The following RYR3 variants were observed in gnomAD, a reference collection of about 807,000 sequenced individuals.
RYR3 encodes ryanodine receptor 3.
RYR3 carries 207 observed loss-of-function variants against 584.3 expected under a neutral mutation model. The ratio of observed to expected loss-of-function variants is 0.35; its 90% CI spans 0.32 to 0.40. RYR3 has a LOEUF of 0.40. Ranked by LOEUF, RYR3 falls within the 10% of genes least tolerant of loss-of-function variation. The probability of loss-of-function intolerance (pLI) is 1.00; values close to 1 mark genes in which losing one functional copy is unlikely to be tolerated. For missense variants in RYR3, 5,616 were observed against 6,089.2 expected (o/e 0.92, Z 2.59); for synonymous variants, 2,416 against 2,248.5 (o/e 1.07, Z -2.11).
At position 33,633,743 on chromosome 15, in the gene RYR3, T is replaced by TCA. The variant is rs879573187; in HGVS notation, c.3027+635_3027+636insCA. Among the ~76,000 whole-genome samples the TCA allele has an allele frequency of 9.5e-4, 144 of 152,324 alleles. 3 individuals are homozygous for TCA. In the East Asian group the frequency reaches 0.024, roughly 26 times the overall value. On this transcript the variant is annotated intron_variant, in intron 24 of 103. Coordinates refer to ENST00000634891, the MANE Select transcript of RYR3 (RefSeq NM_001036.6). Reference sequence around the variant, plus strand: ...TGTTATACATATGAGTTTGGGTGACTTATCACTACAATTGTCCCTATTGTC... The same window carrying TCA: ...TGTTATACATATGAGTTTGGGTGACTCATATCACTACAATTGTCCCTATTGTC...
At chr15:33,514,445 G>C (rs1396513250) in intron 3 of RYR3, among the ~76,000 whole-genome samples, 2 of 152,036 alleles carry the variant, frequency 1.3e-5, no homozygotes, top group African/African-American at 2.4e-5. Context: ...TTCTTCTAAG[G>C]AACAGCCTTT....
intron 1 of RYR3, among the ~76,000 whole-genome samples, chr15:33,406,020 T>G (rs2042993461): frequency 6.6e-6 from 1 of 152,226 alleles, no homozygotes; most frequent in African/African-American, 2.4e-5. Flanking sequence ...CTGCTTAGTT[T>G]ATGCGCCTAC....
At chr15:33,716,741 A>G (rs545415137) in intron 43 of RYR3, among the ~76,000 whole-genome samples, 2 of 152,284 alleles carry the variant, frequency 1.3e-5, no homozygotes, top group African/African-American at 4.8e-5. Flanking sequence ...GTGATAACTG[A>G]GTGTCTTGGC....
At position 33,659,460 on chromosome 15, in the gene RYR3, C is replaced by A. The variant is rs549826883; in HGVS notation, c.4309-260C>A. On this transcript the variant is annotated intron_variant, in intron 32 of 103. Transcript: ENST00000634891. ...TACCTGTCCTGTGCACTGGAGGAAG[C>A]TACTGGCTACAGGTATCTGAGAGAA... Among the ~76,000 whole-genome samples, 13 of 152,352 alleles carry A rather than the reference C, an allele frequency of 8.5e-5. No homozygotes were observed. The South Asian group carries it at 2.3e-3, about 27-fold the overall frequency.
In RYR3 at chr15:33,632,892, G is replaced by A. The variant is rs2291731; in HGVS notation, c.2868-57G>A. 1,797 of 1,498,314 alleles carry A rather than the reference G, an allele frequency of 1.2e-3. 21 individuals are homozygous for A. In the East Asian group the frequency reaches 0.023, roughly 19 times the overall value. The allele number at this position is 1,498,314 out of a possible 1,614,324, so 92.8% of individuals were successfully genotyped here. ...ACCATGTGCTCTTGGTCTAAAATCCGGAATGAGAAACTCATGGAGATCTGT... is the reference window on the plus strand; with the variant it reads ...ACCATGTGCTCTTGGTCTAAAATCCAGAATGAGAAACTCATGGAGATCTGT... On this transcript the variant is annotated intron_variant, in intron 23 of 103. Transcript: ENST00000634891.
At chr15:33,435,591 T>C (rs887964016) in intron 1 of RYR3, among the ~76,000 whole-genome samples, 2 of 152,216 alleles carry the variant, frequency 1.3e-5, no homozygotes, top group Admixed American at 1.3e-4. Flanking sequence ...TCTTCCTCCA[T>C]ATTGTGTCTC....
Position 33,843,529 on chromosome 15 carries a change from T to C in RYR3, c.13251T>C (p.Ala4417=). 6.2e-7 allele frequency: 1 copy of C among 1,604,306 alleles called. No homozygotes were observed. Among genetic ancestry groups the C allele is most frequent in the Non-Finnish European group, 8.5e-7 (1 of 1,175,024 alleles). The change falls in exon 92 of 104, where the codon GCT becomes GCC. Residue 4417 remains alanine, a synonymous_variant. Coordinates refer to ENST00000634891, the MANE Select transcript of RYR3 (RefSeq NM_001036.6). ...ATTTCTACAACCTGAGGTTCCTTGC[T>C]CTGTTTGTAGCCTTCGCTATCAACT... ...ARNFYNLRFL[A]LFVAFAINFI... is the part of the protein sequence containing the mutation.
chr15:33,800,119 AT>A (rs1274924206), intron 67 of RYR3, among the ~76,000 whole-genome samples: 5 of 152,148 alleles, frequency 3.3e-5, no homozygotes, highest in Admixed American at 2.0e-4. Context: ...TAACCAGTCT[AT>A]TTTTTTGTTT....
chr15:33,375,365 G>A (rs1025007918), intron 1 of RYR3, among the ~76,000 whole-genome samples: 5 of 152,326 alleles, frequency 3.3e-5, no homozygotes, highest in African/African-American at 1.2e-4. Flanking sequence ...GCAAAATAGC[G>A]AGCCTAGTCG....
At chr15:33,726,654 A>G (rs1238869401) in intron 46 of RYR3, 148 bp downstream of exon 46, 2 of 800,852 alleles carry the variant, frequency 2.5e-6, no homozygotes, top group Admixed American at 7.4e-5. Flanking sequence ...TCCTGTGATG[A>G]GTTTTCTCCT....
At chr15:33,824,724 C>T (rs1042963851) in intron 81 of RYR3, among the ~76,000 whole-genome samples, 1 of 152,188 alleles carries the variant, frequency 6.6e-6, no homozygotes, top group African/African-American at 2.4e-5. Flanking sequence ...TTCTCCATGC[C>T]TTTGCCCCGT....
Position 33,696,340 on chromosome 15 carries a change from G to T in RYR3, c.5983G>T (p.Glu1995Ter). 2 of 1,613,424 alleles carry T rather than the reference G, an allele frequency of 1.2e-6. No individual in the cohort carries two copies. Among genetic ancestry groups the T allele is most frequent in the Non-Finnish European group, 1.7e-6 (2 of 1,179,794 alleles). ...LLRRQYDSIGELLQALRKTYT... is the reference protein window; with the variant it reads ...LLRRQYDSIG Reference sequence around the variant, plus strand: ...CCGGAGGCAGTATGACAGCATTGGGGAGCTGCTGCAGGCGCTGCGGAAGAC... The same window carrying T: ...CCGGAGGCAGTATGACAGCATTGGGTAGCTGCTGCAGGCGCTGCGGAAGAC... The change falls in exon 39 of 104, where the codon GAG becomes TAG. Residue 1995 changes from glutamate to a stop codon, truncating the protein, a stop_gained. Coordinates refer to ENST00000634891, the MANE Select transcript of RYR3 (RefSeq NM_001036.6). LOFTEE classifies it high-confidence loss of function.
chr15:33,634,871 GA>G (rs1224555358), intron 25 of RYR3, 138 bp downstream of exon 25: 4 of 708,074 alleles, frequency 5.6e-6, no homozygotes, highest in South Asian at 1.9e-5. Context: ...TAAATGGTGT[GA>G]TTTTTTTTAT....
intron 3 of RYR3, among the ~76,000 whole-genome samples, chr15:33,511,143 T>C (rs2052948044): frequency 2.0e-5 from 3 of 152,068 alleles, no homozygotes; most frequent in South Asian, 4.2e-4. Flanking sequence ...TTTTAAATGT[T>C]AGTTATAAAA....
chr15:33,448,891 G>C (rs1054583176), intron 1 of RYR3, among the ~76,000 whole-genome samples: 3 of 152,060 alleles, frequency 2.0e-5, no homozygotes, highest in Non-Finnish European at 4.4e-5. Context: ...CCTGGAGTGT[G>C]GGGGAGAGAA....
At chr15:33,559,794 A>C (rs892602246) in intron 10 of RYR3, among the ~76,000 whole-genome samples, 1 of 152,248 alleles carries the variant, frequency 6.6e-6, no homozygotes, top group African/African-American at 2.4e-5. Context: ...GGTTTTAAAA[A>C]TACTGAAATA....
At chr15:33,620,991 GT>G (rs1205423963) in intron 19 of RYR3, among the ~76,000 whole-genome samples, 1 of 152,214 alleles carries the variant, frequency 6.6e-6, no homozygotes, top group African/African-American at 2.4e-5. Flanking sequence ...TTATTTTACA[GT>G]TTATGTGGCC....
intron 43 of RYR3, among the ~76,000 whole-genome samples, chr15:33,719,529 TTCC>T (rs566937738): frequency 6.3e-4 from 96 of 152,356 alleles, no homozygotes; most frequent in African/African-American, 2.2e-3. Flanking sequence ...GTTGGGTTTT[TTCC>T]TCCATTTTTT....
At chr15:33,329,107 G>A (rs1297615031) in intron 1 of RYR3, among the ~76,000 whole-genome samples, 2 of 152,154 alleles carry the variant, frequency 1.3e-5, no homozygotes, top group African/African-American at 4.8e-5. Context: ...TCTGCAAGCC[G>A]AGGGACAGTT....
Sources: allele counts gnomAD v4.1 joint callset (sites outside exome capture counted in the v4.1 genomes callset), GRCh38; gene constraint gnomAD v4.1.1; transcripts MANE v1.5; gene names NCBI Gene and HGNC (gene_info 2026-07-23, HGNC 2026-07-21).